Variants in DNAH9 observed in about 807,000 individuals in gnomAD.
DNAH9 encodes DNAH9 variant protein.
DNAH9 carries 345 observed loss-of-function variants against 471.6 expected under a neutral mutation model. The observed-to-expected ratio is 0.73, with a 90% CI of 0.67 to 0.80. The LOEUF (loss-of-function observed/expected upper bound fraction) is 0.80. Among genes scored for constraint, DNAH9 ranks in the 30% least tolerant of loss-of-function variants. DNAH9 has a pLI of 0.00. For synonymous variants in DNAH9, 2,093 were observed against 2,123.6 expected, an observed-to-expected ratio of 0.99 and a Z score of 0.40; for missense variants, 5,407 against 5,609.2, an observed-to-expected ratio of 0.96 and a Z score of 1.15.
chr17:11,833,685 C>A (rs796531897), intron 48 of DNAH9, among the ~76,000 whole-genome samples: 3 of 152,270 alleles, frequency 2.0e-5, no homozygotes, highest in African/African-American at 7.2e-5. Context: ...AGATAGAAGT[C>A]CGACTTCCTA....
intron 15 of DNAH9, among the ~76,000 whole-genome samples, chr17:11,667,686 C>T (rs1023121201): frequency 6.6e-6 from 1 of 152,170 alleles, no homozygotes; most frequent in Non-Finnish European, 1.5e-5. Context: ...TTCTTCAGGG[C>T]CTTGTCCTCA....
Position 11,611,730 on chromosome 17 carries a change from A to G in DNAH9, c.854A>G (p.Gln285Arg), listed in dbSNP as rs1451240803. The G allele has an allele frequency of 6.2e-7, 1 of 1,613,884 alleles. No homozygotes were observed. Residue 285 changes from glutamine to arginine, a missense_variant, in exon 4 of 69, where the codon CAG becomes CGG. By Grantham distance (43) the Gln-to-Arg change is conservative. Transcript: ENST00000262442. ...RGMAKLLDKLQSSYFPAFKAM... is the reference protein window; with the variant it reads ...RGMAKLLDKLRSSYFPAFKAM... ...ATGGCCAAGCTCCTGGACAAGCTTC[A>G]GAGTAGCTACTTTCCAGCTTTCAAA...
At chr17:11,752,986 A>G (rs1308095580) in intron 33 of DNAH9, 26 bp downstream of exon 33, 13 of 1,523,850 alleles carry the variant, frequency 8.5e-6, no homozygotes, top group Non-Finnish European at 1.1e-5. Context: ...ATATCCCTAG[A>G]TCATTTCTAA....
chr17:11,952,856 A>G (rs1460560724), intron 67 of DNAH9, among the ~76,000 whole-genome samples: 1 of 152,094 alleles, frequency 6.6e-6, no homozygotes, highest in East Asian at 1.9e-4. Flanking sequence ...TAAACAACAG[A>G]TATTTATTTC....
rs1399482304 is a variant in DNAH9 at position 11,932,112 on chromosome 17, G to A, written c.12204G>A (p.Gly4068=). ...HAVVAERRKF[G]PQGWNRSYPF... is the part of the protein sequence containing the mutation. The stretch of plus-strand genomic sequence containing the variant: ...TGGTGGCAGAAAGACGAAAATTTGG[G>A]CCCCAGGGATGGAATCGCTCATACC... Residue 4068 remains glycine, a synonymous_variant, in exon 64 of 69, where the codon GGG becomes GGA. Coordinates refer to ENST00000262442, the MANE Select transcript of DNAH9 (RefSeq NM_001372.4). This position sits in a 1 kb window ranked among gnomAD's most constrained non-coding sequence, Gnocchi z 4.3. 1 of 1,614,068 alleles carries A rather than the reference G, an allele frequency of 6.2e-7. No individual in the cohort carries two copies. Among genetic ancestry groups the A allele is most frequent in the South Asian group, 1.1e-5 (1 of 91,060 alleles).
intron 28 of DNAH9, among the ~76,000 whole-genome samples, chr17:11,735,953 G>T (rs201838223): frequency 3.3e-5 from 5 of 152,202 alleles, no homozygotes; most frequent in African/African-American, 1.2e-4. Context: ...TTTTAAGCTT[G>T]AGCTGCTCCA....
At chr17:11,683,167 TTTTTG>T (rs909672808) in intron 19 of DNAH9, among the ~76,000 whole-genome samples, 10 of 152,098 alleles carry the variant, frequency 6.6e-5, no homozygotes, top group African/African-American at 1.9e-4. Context: ...AGTCTCTCTC[TTTTTG>T]TTTTGTTTTG....
chr17:11,606,443 C>CTTTTT (rs1404986645), intron 1 of DNAH9, among the ~76,000 whole-genome samples: 1,081 of 68,926 alleles, frequency 0.016, 215 homozygotes, highest in African/African-American at 0.051. Context: ...CTTTTCTTTT[C>CTTTTT]TTTTCTTTTC....
intron 6 of DNAH9, among the ~76,000 whole-genome samples, chr17:11,622,256 C>T (rs1038105535): frequency 1.8e-4 from 27 of 152,124 alleles, no homozygotes; most frequent in Non-Finnish European, 3.8e-4. Context: ...AGAGAAAATG[C>T]GTGAGAGAGA....
At chr17:11,723,280 G>A (rs1258752512) in intron 27 of DNAH9, 2 of 152,214 alleles carry the variant, frequency 1.3e-5, no homozygotes, top group African/African-American at 2.4e-5. Flanking sequence ...TGAGATCCTG[G>A]TGGAAAACTT....
intron 26 of DNAH9, among the ~76,000 whole-genome samples, chr17:11,715,366 G>A (rs1327787939): frequency 1.3e-5 from 2 of 152,062 alleles, no homozygotes; most frequent in Admixed American, 1.3e-4. Flanking sequence ...CCCAAGGAAA[G>A]CAAGACTAAT....
chr17:11,705,422 T>C, intron 26 of DNAH9: 1 of 479,334 alleles, frequency 2.1e-6, no homozygotes, highest in Admixed American at 3.3e-5. Flanking sequence ...TACTAAATGG[T>C]CATACACACC....
intron 41 of DNAH9, among the ~76,000 whole-genome samples, chr17:11,791,144 A>T (rs1969049399): frequency 6.6e-6 from 1 of 152,112 alleles, no homozygotes; most frequent in Admixed American, 6.6e-5. Flanking sequence ...CTGTTGGAGA[A>T]GTATCTCACA....
rs1346030062 is a variant in DNAH9 at position 11,654,272 on chromosome 17, C to T, written c.2595+1270C>T. ...TCGGGAGGCTGAGGCAGGAGAATGG[C>T]GTGAACCCGGGAGGCGGAGCTTGCA... On this transcript the variant is annotated intron_variant, in intron 14 of 68. Coordinates refer to ENST00000262442, the MANE Select transcript of DNAH9 (RefSeq NM_001372.4). 1.5e-4 allele frequency among the ~76,000 whole-genome samples: 13 copies of T among 87,466 alleles called. 2 individuals are homozygous for T. Among genetic ancestry groups the T allele is most frequent in the African/African-American group, 4.7e-4 (12 of 25,622 alleles). 57.4% of individuals were successfully genotyped at this position (87,466 alleles called of 152,430 possible). A position where few individuals can be genotyped will look rare whatever the true frequency, so the allele number is the denominator to read the frequency against.
chr17:11,846,509 C>A (rs1328573689), intron 49 of DNAH9, among the ~76,000 whole-genome samples: 4 of 145,984 alleles, frequency 2.7e-5, no homozygotes, highest in African/African-American at 7.5e-5. Flanking sequence ...TCCATATGAA[C>A]TTTAAAGTAG....
intron 36 of DNAH9, among the ~76,000 whole-genome samples, chr17:11,767,730 A>C (rs1386822780): frequency 6.6e-6 from 1 of 151,980 alleles, no homozygotes; most frequent in African/African-American, 2.4e-5. Flanking sequence ...ACACAATAAG[A>C]TGGTTTGAGT....
intron 8 of DNAH9, among the ~76,000 whole-genome samples, chr17:11,633,177 A>G (rs916700577): frequency 1.2e-4 from 18 of 152,186 alleles, no homozygotes; most frequent in African/African-American, 4.3e-4. Flanking sequence ...AAGGTTTAGG[A>G]CAAGGCGTAG....
chr17:11,846,494 T>G (rs1337335637), intron 49 of DNAH9, among the ~76,000 whole-genome samples: 11 of 150,520 alleles, frequency 7.3e-5, no homozygotes, highest in South Asian at 2.1e-4. Flanking sequence ...GGGCTCTTTT[T>G]TGGTTCCATA....
At chr17:11,632,806 T>C in intron 8 of DNAH9, 103 bp downstream of exon 8, 1 of 581,606 alleles carries the variant, frequency 1.7e-6, no homozygotes, top group Non-Finnish European at 3.1e-6. Context: ...CCTGCAACTA[T>C]TAATTATTCT....
Sources: gnomAD v4.1 joint callset for allele counts (sites outside exome capture counted in the v4.1 genomes callset) on GRCh38, gnomAD v4.1.1 for gene constraint, Gnocchi (gnomAD v3.1) non-coding constraint, MANE v1.5 for transcripts, NCBI Gene and HGNC (gene_info 2026-07-23, HGNC 2026-07-21) for gene names.